TMEM232: variants seen among roughly 807,000 people sequenced by gnomAD.
The protein encoded by TMEM232 is transmembrane protein 232.
In TMEM232, 80 loss-of-function variants were observed where a neutral mutation model predicts 78.8. The observed-to-expected ratio is 1.01, with a 90% CI of 0.85 to 1.22. The LOEUF is 1.22. Ranked by LOEUF, TMEM232 falls within the 50% of genes most tolerant of loss-of-function variation. The pLI is 0.00. For synonymous variants in TMEM232, 297 were observed against 254.3 expected (o/e 1.17, Z -1.60); for missense variants, 881 against 742.2 (o/e 1.19, Z -2.17).
At chr5:110,445,855 G>A (rs1158647785) in intron 12 of TMEM232, among the ~76,000 whole-genome samples, 1 of 152,158 alleles carries the variant, frequency 6.6e-6, no homozygotes. Context: ...TTTCAGAGGA[G>A]TGAGTGAATG....
intron 10 of TMEM232, 121 bp from the exon 11 acceptor site, chr5:110,568,746 T>C: frequency 9.8e-7 from 1 of 1,022,424 alleles, no homozygotes; most frequent in Non-Finnish European, 1.4e-6. Flanking sequence ...AAGTCTGAAA[T>C]TCTAAGCTGT....
chr5:110,703,356 T>C (rs534728796), intron 1 of TMEM232, among the ~76,000 whole-genome samples: 1 of 152,088 alleles, frequency 6.6e-6, no homozygotes, highest in Non-Finnish European at 1.5e-5. Context: ...AACATGTTTA[T>C]AAGCTTACTC....
intron 12 of TMEM232, among the ~76,000 whole-genome samples, chr5:110,498,522 A>G (rs552814276): frequency 1.2e-4 from 19 of 152,232 alleles, no homozygotes; most frequent in Admixed American, 4.6e-4. Context: ...ACTCTGGATA[A>G]AATATAAAAG....
At chr5:110,528,548 A>C (rs1034853748) in intron 12 of TMEM232, 40 bp downstream of exon 12, 2 of 1,428,266 alleles carry the variant, frequency 1.4e-6, no homozygotes, top group African/African-American at 2.9e-5. Flanking sequence ...TTTGAATTGT[A>C]ATGTATTAGA....
chr5:110,625,221 T>G, intron 7 of TMEM232, 46 bp downstream of exon 7: 2 of 1,430,940 alleles, frequency 1.4e-6, no homozygotes, highest in Non-Finnish European at 1.8e-6. Flanking sequence ...TAATGATATC[T>G]GATGCATCAG....
At chr5:110,714,020 T>A (rs1257205155) in intron 1 of TMEM232, among the ~76,000 whole-genome samples, 1 of 152,170 alleles carries the variant, frequency 6.6e-6, no homozygotes, top group Non-Finnish European at 1.5e-5. Flanking sequence ...AACTATTCCT[T>A]GACTTGGTTG....
chr5:110,644,007 C>G (rs140968796), intron 2 of TMEM232, among the ~76,000 whole-genome samples: 1,522 of 152,032 alleles, frequency 0.01, 34 homozygotes, highest in African/African-American at 0.034. Flanking sequence ...TTCTATATAT[C>G]AGGCACTAAG....
chr5:110,482,489 G>A (rs1561550549), intron 12 of TMEM232, among the ~76,000 whole-genome samples: 2 of 151,798 alleles, frequency 1.3e-5, no homozygotes, highest in African/African-American at 4.8e-5. Context: ...GCTGAGGCAG[G>A]AGAATCACTT....
At position 110,568,774 on chromosome 5, in the gene TMEM232, C is replaced by A. The variant is rs534804304; in HGVS notation, c.1277-149G>T. 3 of 755,980 alleles carry A rather than the reference C, an allele frequency of 4.0e-6. No homozygotes were observed. The South Asian group carries it at 6.6e-5, about 17-fold the overall frequency. 46.8% of individuals were successfully genotyped at this position (755,980 alleles called of 1,614,324 possible). On this transcript the variant is annotated intron_variant, in intron 10 of 13. Transcript: ENST00000455884. ...TAAGCTGTGGAAATTTCTGACCCTT[C>A]ACTGCTTTCTCTCCTTTACATTTAA...
At chr5:110,720,827 A>G (rs907840341) in intron 1 of TMEM232, 11 of 152,152 alleles carry the variant, frequency 7.2e-5, no homozygotes, top group African/African-American at 2.7e-4. Flanking sequence ...ACGTTAACAC[A>G]TGCTCAACTG....
At chr5:110,652,582 C>T (rs976041643) in intron 2 of TMEM232, among the ~76,000 whole-genome samples, 2 of 152,096 alleles carry the variant, frequency 1.3e-5, no homozygotes, top group African/African-American at 4.8e-5. Flanking sequence ...TTATTTTTAA[C>T]TTTCTATGTA....
intron 1 of TMEM232, among the ~76,000 whole-genome samples, chr5:110,724,764 C>A (rs1360165222): frequency 6.6e-6 from 1 of 152,104 alleles, no homozygotes; most frequent in Non-Finnish European, 1.5e-5. Context: ...GAAAGGAACT[C>A]TAAAAAAGAA....
At position 110,593,395 on chromosome 5, in the gene TMEM232, A is replaced by T. The variant is rs556241490; in HGVS notation, c.1276+11714T>A. Among the ~76,000 whole-genome samples, 66 of 152,324 alleles carry T rather than the reference A, an allele frequency of 4.3e-4. 1 individual carries two copies. The South Asian group carries it at 0.013, about 31-fold the overall frequency. Reference sequence around the variant, plus strand: ...AGATTTGAAAACTTCAAAATAAAAGATTAACAATGAGTACATGAATTCAAT... The same window carrying T: ...AGATTTGAAAACTTCAAAATAAAAGTTTAACAATGAGTACATGAATTCAAT... On this transcript the variant is annotated intron_variant, in intron 10 of 13. Transcript: ENST00000455884.
intron 10 of TMEM232, among the ~76,000 whole-genome samples, chr5:110,590,926 G>T (rs1281052123): frequency 6.6e-6 from 1 of 152,022 alleles, no homozygotes; most frequent in African/African-American, 2.4e-5. Context: ...TCACTATCAC[G>T]AGAACAGCAT....
intron 5 of TMEM232, among the ~76,000 whole-genome samples, chr5:110,630,271 T>C (rs1349862601): frequency 6.6e-6 from 1 of 152,210 alleles, no homozygotes; most frequent in African/African-American, 2.4e-5. Flanking sequence ...AGACACTGCA[T>C]ACTCATTCTC....
Position 110,667,316 on chromosome 5 carries a change from T to C in TMEM232, c.37A>G (p.Thr13Ala). 1 of 1,537,370 alleles carries C rather than the reference T, an allele frequency of 6.5e-7. No individual in the cohort carries two copies. Residue 13 changes from threonine (T) to alanine (A), a missense_variant, in exon 2 of 14, where the codon ACA becomes GCA. Coordinates refer to ENST00000455884, the MANE Select transcript of TMEM232 (RefSeq NM_001039763.4). ...MPVNKSPMIN[T>A]CGGISSPYHE... is the part of the protein sequence containing the mutation. ...TAAGGGGAAGATATGCCTCCACATG[T>C]ATTAATCATAGGTGATTTGTTAACA...
intron 1 of TMEM232, among the ~76,000 whole-genome samples, chr5:110,679,868 T>G (rs920497699): frequency 4.6e-5 from 7 of 152,232 alleles, no homozygotes; most frequent in African/African-American, 1.7e-4. Flanking sequence ...ATTTGATTTT[T>G]GGCTGTCTTT....
chr5:110,563,624 C>G (rs566759093), intron 11 of TMEM232, among the ~76,000 whole-genome samples: 129 of 151,790 alleles, frequency 8.5e-4, no homozygotes, highest in African/African-American at 3.0e-3. Flanking sequence ...TAAGGTCCAA[C>G]AAACAGTTTA....
chr5:110,730,674 A>G (rs917011188), upstream of TMEM232, among the ~76,000 whole-genome samples: 1 of 152,156 alleles, frequency 6.6e-6, no homozygotes, highest in African/African-American at 2.4e-5. Flanking sequence ...AACCCATTAG[A>G]TCTTGTGAGA....
Sources: gnomAD v4.1 joint callset for allele counts (sites outside exome capture counted in the v4.1 genomes callset) on GRCh38, gnomAD v4.1.1 for gene constraint, MANE v1.5 for transcripts, NCBI Gene and HGNC (gene_info 2026-07-23, HGNC 2026-07-21) for gene names.